CLN6: variants seen among roughly 807,000 people sequenced by gnomAD.
CLN6 encodes the protein ceroid-lipofuscinosis neuronal protein 6.
Under a neutral mutation model 33.3 loss-of-function variants are expected in CLN6, and 22 were observed. The ratio of observed to expected loss-of-function variants is 0.66; its 90% confidence interval spans 0.47 to 0.94. The LOEUF (loss-of-function observed/expected upper bound fraction) is 0.94. CLN6 is among the 40% of genes least tolerant of loss of function. The probability of loss-of-function intolerance (pLI) is 0.00; values close to 1 mark genes in which losing one functional copy is unlikely to be tolerated. For missense variants in CLN6, 387 were observed against 417.1 expected, an observed-to-expected ratio of 0.93 and a Z score of 0.63; for synonymous variants, 201 against 174.6, an observed-to-expected ratio of 1.15 and a Z score of -1.19.
chr15:68,209,815 A>G lies in CLN6; in HGVS notation c.543-56T>C, dbSNP rs2093199609. On this transcript the variant is annotated intron_variant, in intron 5 of 6. Transcript: ENST00000249806. The surrounding 1 kb of genome is among the most constrained non-coding windows in gnomAD (Gnocchi z 4.9). ...CTGCTCAGCGGCCCTCTTCCCCACA[A>G]CCTCTGCAACCACTCCCATGGGGTC... 6.2e-7 allele frequency: 1 copy of G among 1,604,650 alleles called. No homozygotes were observed. The highest frequency in any genetic ancestry group is 8.5e-7 in the Non-Finnish European group (1 of 1,175,846).
chr15:68,237,158 C>T (rs1892227356), intron 1 of CLN6, among the ~76,000 whole-genome samples: 1 of 65,292 alleles, frequency 1.5e-5, no homozygotes, highest in Non-Finnish European at 2.6e-5. Flanking sequence ...AGCGAGACTC[C>T]GTCTCAAAAA....
At chr15:68,239,376 A>G (rs559924688) in intron 1 of CLN6, among the ~76,000 whole-genome samples, 6 of 152,204 alleles carry the variant, frequency 3.9e-5, no homozygotes, top group Non-Finnish European at 7.4e-5. Flanking sequence ...AAAATGATGA[A>G]AAAAGATATA....
chr15:68,228,386 G>C lies in CLN6; in HGVS notation c.83+1116C>G, dbSNP rs991578493. Among the ~76,000 whole-genome samples the C allele has an allele frequency of 6.6e-6, 1 of 152,134 alleles. No individual in the cohort carries two copies. The highest frequency in any genetic ancestry group is 6.5e-5 in the Admixed American group (1 of 15,274). On this transcript the variant is annotated intron_variant, in intron 1 of 6. Transcript: ENST00000249806. This position sits in a 1 kb window ranked among gnomAD's most constrained non-coding sequence, Gnocchi z 4.4. ...ACTGTGTCCTTAACCTGTCACCTAG[G>C]ACAGGAACTAGGGTGAGACAAGCAA...
intron 1 of CLN6, among the ~76,000 whole-genome samples, chr15:68,239,324 A>G (rs74706465): frequency 1.3e-5 from 2 of 152,078 alleles, no homozygotes; most frequent in Non-Finnish European, 1.5e-5. Flanking sequence ...TAAAAAAAAA[A>G]TAGACATACC....
At position 68,256,775 on chromosome 15, in the gene CLN6, C is replaced by A. The variant is rs1390480827; in HGVS notation, c.94G>T (p.Gly32Cys). The A allele has an allele frequency of 2.8e-6, 2 of 702,336 alleles. No individual in the cohort carries two copies. Among genetic ancestry groups the A allele is most frequent in the Non-Finnish European group, 5.2e-6 (2 of 384,768 alleles). The allele number at this position is 702,336 out of a possible 1,614,324, so 43.5% of individuals were successfully genotyped here. ...AGTGGCTTGAAGGCTCGGCTCAAGCCCGCCTCGCCTCCCTCCCTCCTAGGG... is the reference window on the plus strand; with the variant it reads ...AGTGGCTTGAAGGCTCGGCTCAAGCACGCCTCGCCTCCCTCCCTCCTAGGG... Residue 32 changes from glycine (G) to cysteine (C), a missense_variant, in exon 1 of 7, where the codon GGC becomes TGC. Transcript: ENST00000538696. This position sits in a 1 kb window ranked among gnomAD's most constrained non-coding sequence, Gnocchi z 4.1.
In CLN6 at chr15:68,211,261, A is replaced by G; in HGVS notation, c.542+2T>C. On this transcript the variant is annotated splice_donor_variant, in intron 5 of 6. Transcript: ENST00000249806. LOFTEE classifies it high-confidence loss of function. The surrounding 1 kb of genome is among the most constrained non-coding windows in gnomAD (Gnocchi z 5.9). ...GGATAGACAGATGGGCCCATCACTC[A>G]CCACATGCAGTGACCCAGGTACTCA... The G allele has an allele frequency of 1.2e-6, 2 of 1,613,942 alleles. No homozygotes were observed. The highest frequency in any genetic ancestry group is 1.7e-6 in the Non-Finnish European group (2 of 1,179,908).
intron 1 of CLN6, among the ~76,000 whole-genome samples, chr15:68,243,695 C>T (rs369846139): frequency 2.7e-5 from 4 of 147,880 alleles, no homozygotes; most frequent in African/African-American, 7.6e-5. Flanking sequence ...GCAGAGGTTG[C>T]AGTGAGCCGA....
chr15:68,214,726 A>C, intron 2 of CLN6: 1 of 344,024 alleles, frequency 2.9e-6, no homozygotes, highest in Non-Finnish European at 5.7e-6. Flanking sequence ...CTTCTCAGGG[A>C]CTCCGTTGTG....
chr15:68,234,953 G>T lies in CLN6; in HGVS notation c.180-16303C>A, dbSNP rs1273526199. 6.6e-6 allele frequency among the ~76,000 whole-genome samples: 1 copy of T among 152,216 alleles called. No homozygotes were observed. Among genetic ancestry groups the T allele is most frequent in the Non-Finnish European group, 1.5e-5 (1 of 68,046 alleles). ...AATTGCTTGAACCCGGGAGACGGAA[G>T]TTGCAGTGAGCCAAGATTGTGCCAC... On this transcript the variant is annotated intron_variant, in intron 1 of 6. Coordinates refer to the CLN6 transcript ENST00000538696. This position sits in a 1 kb window ranked among gnomAD's most constrained non-coding sequence, Gnocchi z 4.1.
rs1203002315 is a variant in CLN6, at chr15:68,208,915, AG to A, written c.666-506del. On this transcript the variant is annotated intron_variant, in intron 6 of 6. Coordinates refer to ENST00000249806, the MANE Select transcript of CLN6 (RefSeq NM_017882.3). This position sits in a 1 kb window ranked among gnomAD's most constrained non-coding sequence, Gnocchi z 5.8. ...GCCACATAGGGGACAGGCCGGGGAG[AG>A]GATCTAGAGCTGGCCCAGGAAAGGA... Among the ~76,000 whole-genome samples, 2 of 152,154 alleles carry A rather than the reference AG, an allele frequency of 1.3e-5. No individual in the cohort carries two copies. Among genetic ancestry groups the A allele is most frequent in the African/African-American group, 4.8e-5 (2 of 41,436 alleles).
In CLN6 at chr15:68,219,866, G is replaced by GGCGC. The variant is rs2093230815; in HGVS notation, c.84-1220_84-1217dup. Among the ~76,000 whole-genome samples, 1 of 152,210 alleles carries GGCGC rather than the reference G, an allele frequency of 6.6e-6. No individual in the cohort carries two copies. Among genetic ancestry groups the GGCGC allele is most frequent in the African/African-American group, 2.4e-5 (1 of 41,446 alleles). On this transcript the variant is annotated intron_variant, in intron 1 of 6. Transcript: ENST00000249806. The surrounding 1 kb of genome is among the most constrained non-coding windows in gnomAD (Gnocchi z 4.2). ...CATCGTCTCGTTTGTGCCAAGAACA[G>GGCGC]GCGCCATGGACCACAAATCTGTATT...
intron 1 of CLN6, among the ~76,000 whole-genome samples, chr15:68,243,483 G>A (rs778489435): frequency 5.3e-5 from 8 of 152,072 alleles, no homozygotes; most frequent in Non-Finnish European, 7.4e-5. Flanking sequence ...GGCTGGGTGC[G>A]GTGGCTCATG....
Position 68,246,786 on chromosome 15 carries a change from G to GT in CLN6, c.179+9903dup, listed in dbSNP as rs1300615314. Among the ~76,000 whole-genome samples, 1 of 152,068 alleles carries GT rather than the reference G, an allele frequency of 6.6e-6. No individual in the cohort carries two copies. Among genetic ancestry groups the GT allele is most frequent in the Non-Finnish European group, 1.5e-5 (1 of 68,024 alleles). On this transcript the variant is annotated intron_variant, in intron 1 of 6. Transcript: ENST00000538696. The surrounding 1 kb of genome is among the most constrained non-coding windows in gnomAD (Gnocchi z 4.5). ...GAGAAAATCAATGAAATGAAAATTG[G>GT]TTTTTTGAAAAGATAAACAAAATTA...
In CLN6 at chr15:68,207,473, C is replaced by T. The variant is rs111879561; in HGVS notation, c.*667G>A. 956 of 156,840 alleles carry T rather than the reference C, an allele frequency of 6.1e-3. 4 individuals are homozygous for T. Among genetic ancestry groups the T allele is most frequent in the East Asian group, 0.032 (168 of 5,252 alleles). The allele number at this position is 156,840 out of a possible 1,614,324, so 9.7% of individuals were successfully genotyped here. ...CATACCTCATGGGCCTGAGCCTGGG[C>T]AGGGGTCTGGAGTGCACATAGCCCC... On this transcript the variant is annotated 3_prime_UTR_variant, in exon 7 of 7. Coordinates refer to ENST00000249806, the MANE Select transcript of CLN6 (RefSeq NM_017882.3).
In CLN6 at chr15:68,211,520, A is replaced by G; in HGVS notation, c.486+155T>C. 6.3e-7 allele frequency: 1 copy of G among 1,589,582 alleles called. No individual in the cohort carries two copies. Among genetic ancestry groups the G allele is most frequent in the East Asian group, 2.2e-5 (1 of 44,728 alleles). ...GTGCACCACTTCCTAAGAACACTTG[A>G]GCATCCTAGCTTGGGGCAGGCGACA... On this transcript the variant is annotated intron_variant, in intron 4 of 6. Transcript: ENST00000249806. This position sits in a 1 kb window ranked among gnomAD's most constrained non-coding sequence, Gnocchi z 5.9.
Position 68,209,373 on chromosome 15 carries a change from G to A in CLN6, c.665+264C>T, listed in dbSNP as rs548401229. ...GGGTTCTTGAGATGGGGCACAGAGC[G>A]AGAGGGGCTTGAGGATGGAGACAGA... On this transcript the variant is annotated intron_variant, in intron 6 of 6. Coordinates refer to ENST00000249806, the MANE Select transcript of CLN6 (RefSeq NM_017882.3). This position sits in a 1 kb window ranked among gnomAD's most constrained non-coding sequence, Gnocchi z 4.9. 3.9e-5 allele frequency among the ~76,000 whole-genome samples: 6 copies of A among 152,282 alleles called. No individual in the cohort carries two copies. In the East Asian group the frequency reaches 9.7e-4, roughly 25 times the overall value.
Position 68,229,653 on chromosome 15 carries a change from G to T in CLN6, c.-69C>A. ...ACCGGTTCAGCTCGGCTGCCCCGGC[G>T]GAGGCCGCCGCAAATTCCCAGCGCG... is the stretch of plus-strand genomic sequence containing the variant. On this transcript the variant is annotated 5_prime_UTR_variant, in exon 1 of 7. Coordinates refer to ENST00000249806, the MANE Select transcript of CLN6 (RefSeq NM_017882.3). 2 of 1,271,678 alleles carry T rather than the reference G, an allele frequency of 1.6e-6. No individual in the cohort carries two copies. Among genetic ancestry groups the T allele is most frequent in the Non-Finnish European group, 2.0e-6 (2 of 975,896 alleles). The allele number at this position is 1,271,678 out of a possible 1,614,324, so 78.8% of individuals were successfully genotyped here. A position where few individuals can be genotyped will look rare whatever the true frequency, so the allele number is the denominator to read the frequency against.
chr15:68,222,402 C>T (rs8028812), intron 1 of CLN6, among the ~76,000 whole-genome samples: 8,273 of 140,692 alleles, frequency 0.059, 708 homozygotes, highest in African/African-American at 0.19. Flanking sequence ...CGTCTCTGCC[C>T]GGCTGCCCAT....
Position 68,210,974 on chromosome 15 carries a change from G to A in CLN6, c.542+289C>T, listed in dbSNP as rs1017571280. ...TGGCGAGGAAGGACCAAAGCCACTC[G>A]CTGCCCTCTGCTGGCCACAGCGGGC... On this transcript the variant is annotated intron_variant, in intron 5 of 6. Transcript: ENST00000249806. This position sits in a 1 kb window ranked among gnomAD's most constrained non-coding sequence, Gnocchi z 5.6. 2.0e-5 allele frequency among the ~76,000 whole-genome samples: 3 copies of A among 152,312 alleles called. No individual in the cohort carries two copies. Among genetic ancestry groups the A allele is most frequent in the East Asian group, 1.9e-4 (1 of 5,172 alleles).
Sources: allele counts gnomAD v4.1 joint callset (sites outside exome capture counted in the v4.1 genomes callset), GRCh38; gene constraint gnomAD v4.1.1; non-coding constraint Gnocchi (gnomAD v3.1); transcripts MANE v1.5; gene names NCBI Gene and HGNC (gene_info 2026-07-23, HGNC 2026-07-21).